Variants in ATAD3B observed in about 807,000 individuals in gnomAD.
ATAD3B encodes the protein ATPase family AAA domain containing 3B.
ATAD3B carries 59 observed loss-of-function variants against 70.2 expected under a neutral mutation model. The ratio of observed to expected loss-of-function variants is 0.84; its 90% CI spans 0.68 to 1.04. ATAD3B has a LOEUF of 1.04. ATAD3B is among the 50% of genes least tolerant of loss of function. The pLI, the probability that ATAD3B is intolerant of heterozygous loss-of-function variation, is 0.00. For synonymous variants in ATAD3B, 423 were observed against 388.6 expected (o/e 1.09, Z -1.04); for missense variants, 961 against 913.4 (o/e 1.05, Z -0.67).
In ATAD3B at chr1:1,490,394, G is replaced by T; in HGVS notation, c.1475G>T (p.Cys492Phe). Residue 492 changes from cysteine (C) to phenylalanine (F), a missense_variant, in exon 14 of 16, where the codon TGT becomes TTT. Physicochemically the swap from Cys to Phe is radical, Grantham distance 205 (BLOSUM62 -2). Transcript: ENST00000673477. The stretch of plus-strand genomic sequence containing the variant: ...CTGGTGAGACTGCATTTTGACAACT[G>T]TGTTCTTAAGCCGGCCACAGAAGGA... ...ERLVRLHFDN[C>F]VLKPATEGKR... 1 of 1,613,464 alleles carries T rather than the reference G, an allele frequency of 6.2e-7. No individual in the cohort carries two copies. The highest frequency in any genetic ancestry group is 8.5e-7 in the Non-Finnish European group (1 of 1,179,668).
the ATAD3B span, among the ~76,000 whole-genome samples, chr1:1,508,358 C>A: frequency 4.0e-5 from 6 of 150,658 alleles, 1 homozygote; most frequent in African/African-American, 1.5e-4. Context: ...TCTATCGTGG[C>A]GACGGTGTTG....
chr1:1,473,290 C>T (rs189463607), intron 1 of ATAD3B, among the ~76,000 whole-genome samples: 35 of 146,546 alleles, frequency 2.4e-4, no homozygotes, highest in Non-Finnish European at 4.8e-4. Flanking sequence ...CAGGCGCCCG[C>T]CACCACGCCC....
At chr1:1,508,158 G>A in the ATAD3B span, among the ~76,000 whole-genome samples, 1 of 151,926 alleles carries the variant, frequency 6.6e-6, no homozygotes, top group Admixed American at 6.5e-5. Context: ...GACCAAAAAT[G>A]ATGTTGAGCA....
chr1:1,502,097 T>G (rs1314261198), downstream of ATAD3B, among the ~76,000 whole-genome samples: 1 of 151,956 alleles, frequency 6.6e-6, no homozygotes, highest in East Asian at 1.9e-4. Flanking sequence ...CAGGCTGGTC[T>G]TGAACTCCTG....
rs1197274956 is a variant in ATAD3B, at chr1:1,473,351, A to C, written c.205+1262A>C. On this transcript the variant is annotated intron_variant, in intron 1 of 15. Transcript: ENST00000673477. Reference sequence around the variant, plus strand: ...CACCGTGTTAGCCAGGATGGTCTCGATCTCCTGACCTCGTGATTAATTTTT... The same window carrying C: ...CACCGTGTTAGCCAGGATGGTCTCGCTCTCCTGACCTCGTGATTAATTTTT... Among the ~76,000 whole-genome samples the C allele has an allele frequency of 1.3e-5, 2 of 148,836 alleles. 1 individual carries two copies. Among genetic ancestry groups the C allele is most frequent in the Non-Finnish European group, 3.0e-5 (2 of 67,380 alleles).
chr1:1,509,334 G>A, the ATAD3B span: 707 of 1,611,592 alleles, frequency 4.4e-4, 28 homozygotes, highest in African/African-American at 6.2e-3. Context: ...GCCCGAGGAC[G>A]AGCAACCCTC....
intron 4 of ATAD3B, 119 bp from the exon 5 acceptor site, chr1:1,480,748 C>T: frequency 1.3e-6 from 2 of 1,525,204 alleles, no homozygotes; most frequent in Admixed American, 2.1e-5. Context: ...GTCTGCAGGT[C>T]CCCAGGTGCC....
chr1:1,497,018 CAA>C lies in ATAD3B; in HGVS notation c.*1202_*1203del, dbSNP rs1210388402. 2 of 147,452 alleles carry C rather than the reference CAA, an allele frequency of 1.4e-5. No homozygotes were observed. The highest frequency in any genetic ancestry group is 5.2e-5 in the African/African-American group (2 of 38,232). The allele number at this position is 147,452 out of a possible 1,614,324, so 9.1% of individuals were successfully genotyped here. ...CAGAGCCTCATATTGGTCGATGAAA[CAA>C]TGCTTTCTGAACTTTGTGTCCTTAG... On this transcript the variant is annotated 3_prime_UTR_variant, in exon 16 of 16. Coordinates refer to ENST00000673477, the MANE Select transcript of ATAD3B (RefSeq NM_031921.6).
chr1:1,495,534 A>G lies in ATAD3B; in HGVS notation c.1664A>G (p.Asp555Gly). 6.2e-7 allele frequency: 1 copy of G among 1,612,606 alleles called. No individual in the cohort carries two copies. The highest frequency in any genetic ancestry group is 8.5e-7 in the Non-Finnish European group (1 of 1,179,014). Residue 555 changes from aspartate (D) to glycine (G), a missense_variant, in exon 16 of 16, where the codon GAC (aspartate) becomes GGC (glycine). Transcript: ENST00000673477. ...KDGVLTEAMM[D>G]ACVQDAVQQY... is the part of the protein sequence containing the mutation. Reference sequence around the variant, plus strand: ...GGGGTCCTCACTGAGGCCATGATGGACGCCTGTGTGCAAGATGCTGTCCAG... The same window carrying G: ...GGGGTCCTCACTGAGGCCATGATGGGCGCCTGTGTGCAAGATGCTGTCCAG...
rs199892482 is a variant in ATAD3B at position 1,477,677 on chromosome 1, T to TTTTTATTTTATTTTA, written c.282+356_282+370dup. The stretch of plus-strand genomic sequence containing the variant: ...CTCATTTCTTTTCACTCAGCAGGAT[T>TTTTTATTTTATTTTA]TTTTATTTTATTTTATTTTATTTTA... On this transcript the variant is annotated intron_variant, in intron 2 of 15. Transcript: ENST00000673477. 5.9e-3 allele frequency among the ~76,000 whole-genome samples: 875 copies of TTTTTATTTTATTTTA among 147,974 alleles called. 8 individuals are homozygous for TTTTTATTTTATTTTA. The highest frequency in any genetic ancestry group is 0.02 in the African/African-American group (784 of 39,120).
chr1:1,489,898 A>G lies in ATAD3B; in HGVS notation c.1338-359A>G, dbSNP rs933711872. 11 of 1,220,724 alleles carry G rather than the reference A, an allele frequency of 9.0e-6. 1 individual carries two copies. Among genetic ancestry groups the G allele is most frequent in the South Asian group, 1.5e-5 (1 of 64,988 alleles). The allele number at this position is 1,220,724 out of a possible 1,614,324, so 75.6% of individuals were successfully genotyped here. On this transcript the variant is annotated intron_variant, in intron 13 of 15. Transcript: ENST00000673477. ...GGTCCTGCTTCTGGCTCGCATGGCC[A>G]TAATCTTGACAGGGACTCTGGGTCC...
intron 15 of ATAD3B, among the ~76,000 whole-genome samples, chr1:1,494,288 GC>G (rs1489753088): frequency 1.3e-5 from 2 of 151,980 alleles, no homozygotes; most frequent in African/African-American, 2.4e-5. Context: ...CATCTGCGTA[GC>G]CCCTCTCCTC....
chr1:1,472,620 C>G (rs1471034733), intron 1 of ATAD3B, among the ~76,000 whole-genome samples: 5 of 152,056 alleles, frequency 3.3e-5, no homozygotes, highest in Non-Finnish European at 5.9e-5. Flanking sequence ...TGCTGCTCAG[C>G]TTGAGTAAAC....
rs188808044 is a variant in ATAD3B at position 1,496,100 on chromosome 1, G to A, written c.*283G>A. ...GCTTCCAGCCATGGCCAGGGGCCACGGAACCCGGCAGGGGTGTCTGAGGCC... is the reference window on the plus strand; with the variant it reads ...GCTTCCAGCCATGGCCAGGGGCCACAGAACCCGGCAGGGGTGTCTGAGGCC... On this transcript the variant is annotated 3_prime_UTR_variant, in exon 16 of 16. Coordinates refer to ENST00000673477, the MANE Select transcript of ATAD3B (RefSeq NM_031921.6). 2,181 of 1,191,104 alleles carry A rather than the reference G, an allele frequency of 1.8e-3. 20 individuals carry two copies. The highest frequency in any genetic ancestry group is 5.1e-3 in the Middle Eastern group (15 of 2,940). The allele number at this position is 1,191,104 out of a possible 1,614,324, so 73.8% of individuals were successfully genotyped here. A position where few individuals can be genotyped will look rare whatever the true frequency, so the allele number is the denominator to read the frequency against.
At chr1:1,487,950 G>A (rs1470385083) in intron 12 of ATAD3B, 36 bp downstream of exon 12, 1 of 1,611,118 alleles carries the variant, frequency 6.2e-7, no homozygotes, top group Non-Finnish European at 8.5e-7. Context: ...GCCACAGGAG[G>A]GTGGTCGGGT....
intron 15 of ATAD3B, among the ~76,000 whole-genome samples, chr1:1,491,001 T>C (rs541837661): frequency 6.8e-4 from 104 of 152,008 alleles, no homozygotes; most frequent in Non-Finnish European, 1.2e-3. Context: ...AGGCACCTCC[T>C]AGAGGGAATG....
downstream of ATAD3B, among the ~76,000 whole-genome samples, chr1:1,502,275 C>T (rs181532011): frequency 3.0e-3 from 459 of 151,302 alleles, 1 homozygote; most frequent in Admixed American, 5.4e-3. Flanking sequence ...AGTGCAGTGG[C>T]ATAACCTCGG....
At chr1:1,503,567 T>A in the ATAD3B span, 1 of 1,605,816 alleles carries the variant, frequency 6.2e-7, no homozygotes, top group East Asian at 2.2e-5. Flanking sequence ...CCGCCCTCTG[T>A]GCCCCTGTGC....
chr1:1,476,102 T>G (rs1639574543), intron 1 of ATAD3B, among the ~76,000 whole-genome samples: 1 of 141,532 alleles, frequency 7.1e-6, no homozygotes, highest in Non-Finnish European at 1.5e-5. Flanking sequence ...CCCGTTGACC[T>G]GGCACTGTCT....
Sources: gnomAD v4.1 joint callset for allele counts (sites outside exome capture counted in the v4.1 genomes callset) on GRCh38, gnomAD v4.1.1 for gene constraint, MANE v1.5 for transcripts, NCBI Gene and HGNC (gene_info 2026-07-23, HGNC 2026-07-21) for gene names.